TRIP11: variants seen among roughly 807,000 people sequenced by gnomAD.
TRIP11 encodes the protein thyroid receptor-interacting protein 11.
A neutral mutation model predicts 223.1 loss-of-function variants in TRIP11; 148 were observed. The ratio of observed to expected loss-of-function variants is 0.66; its 90% confidence interval spans 0.58 to 0.76. The LOEUF (loss-of-function observed/expected upper bound fraction) is 0.76. Ranked by LOEUF, TRIP11 falls within the 30% of genes least tolerant of loss-of-function variation. The pLI is 0.00. For synonymous variants in TRIP11, 762 were observed against 772.6 expected (o/e 0.99, Z 0.23); for missense variants, 2,043 against 2,222.0 (o/e 0.92, Z 1.62).
intron 16 of TRIP11, among the ~76,000 whole-genome samples, chr14:91,982,519 T>C (rs2056557617): frequency 6.6e-6 from 1 of 152,194 alleles, no homozygotes; most frequent in Non-Finnish European, 1.5e-5. Context: ...CTATGCTCAC[T>C]ACCTGAGTGA....
At chr14:92,026,182 T>C (rs1254531376) in intron 2 of TRIP11, among the ~76,000 whole-genome samples, 1 of 152,204 alleles carries the variant, frequency 6.6e-6, no homozygotes, top group Non-Finnish European at 1.5e-5. Flanking sequence ...TTGCTTGTCT[T>C]TCAGGGTCCC....
chr14:91,971,960 AATTAGTAAACAT>A (rs1292383762), intron 20 of TRIP11, among the ~76,000 whole-genome samples: 62 of 152,240 alleles, frequency 4.1e-4, no homozygotes, highest in African/African-American at 1.4e-3. Context: ...TTTACAGTCC[AATTAGTAAACAT>A]ATTAGTCTAT....
At chr14:92,028,376 A>T (rs1469067484) in intron 2 of TRIP11, among the ~76,000 whole-genome samples, 1 of 152,050 alleles carries the variant, frequency 6.6e-6, no homozygotes. Flanking sequence ...CCTGGGCAAC[A>T]TAAGGAACAA....
intron 11 of TRIP11, among the ~76,000 whole-genome samples, chr14:92,000,864 C>CT (rs528664948): frequency 0.11 from 15,143 of 141,586 alleles, 872 homozygotes; most frequent in Admixed American, 0.15. Flanking sequence ...CTTTTTTTTT[C>CT]TTTTTTTTTT....
intron 10 of TRIP11, 53 bp from the exon 11 acceptor site, chr14:92,006,501 CAAAGAA>C (rs1235129667): frequency 6.3e-7 from 1 of 1,579,770 alleles, no homozygotes; most frequent in African/African-American, 1.4e-5. Context: ...TTTTAGTACT[CAAAGAA>C]AATTTTATAA....
intron 4 of TRIP11, among the ~76,000 whole-genome samples, chr14:92,019,843 T>TA (rs987533042): frequency 2.6e-5 from 4 of 152,224 alleles, no homozygotes; most frequent in Admixed American, 2.6e-4. Context: ...TATATAATAT[T>TA]ACTTAAAATA....
rs1566859191 is a variant in TRIP11, at chr14:92,004,568, C to T, written c.3408G>A (p.Leu1136=). ...TGGACAATTTTTTATTTTCATCTTG[C>T]AGTTTGATAAGAGCTGCTTCCTTGG... ...VAAKEAALIK[L]QDENKKLSTR... The change falls in exon 11 of 21, where the codon CTG becomes CTA. Residue 1136 remains leucine, a synonymous_variant. Transcript: ENST00000267622. 6.2e-7 allele frequency: 1 copy of T among 1,613,722 alleles called. No homozygotes were observed. Among genetic ancestry groups the T allele is most frequent in the Non-Finnish European group, 8.5e-7 (1 of 1,179,902 alleles).
rs1185207802 is a variant in TRIP11 at position 92,017,671 on chromosome 14, A to C, written c.657+11T>G. The C allele has an allele frequency of 1.9e-6, 3 of 1,602,520 alleles. No homozygotes were observed. The African/African-American group carries it at 4.0e-5, about 21-fold the overall frequency. Reference sequence around the variant, plus strand: ...GTATAACTCCCATCATCAATCAACAATTTGACTTACCTTAATGATATTTTG... The same window carrying C: ...GTATAACTCCCATCATCAATCAACACTTTGACTTACCTTAATGATATTTTG... On this transcript the variant is annotated intron_variant, in intron 5 of 20. Transcript: ENST00000267622.
intron 10 of TRIP11, 79 bp downstream of exon 10, chr14:92,007,561 A>T: frequency 6.8e-7 from 1 of 1,475,912 alleles, no homozygotes; most frequent in Non-Finnish European, 9.4e-7. Flanking sequence ...CTAAAATATT[A>T]ATTAAATCAC....
At chr14:91,980,948 A>G (rs1043805402) in intron 16 of TRIP11, among the ~76,000 whole-genome samples, 1 of 147,904 alleles carries the variant, frequency 6.8e-6, no homozygotes, top group Non-Finnish European at 1.5e-5. Flanking sequence ...CAGAATTTCA[A>G]GTTATACAAG....
chr14:92,011,384 G>C (rs112401053), intron 8 of TRIP11, among the ~76,000 whole-genome samples: 1 of 150,882 alleles, frequency 6.6e-6, no homozygotes, highest in Non-Finnish European at 1.5e-5. Flanking sequence ...CCAGCTACTC[G>C]GGAGGCTGAG....
chr14:91,974,570 ATG>A (rs2056439771), intron 19 of TRIP11, 55 bp downstream of exon 19: 3 of 1,299,856 alleles, frequency 2.3e-6, no homozygotes, highest in Non-Finnish European at 3.3e-6. Context: ...TTGCAAATGA[ATG>A]TAATATACAG....
chr14:91,993,710 C>G, intron 15 of TRIP11, 99 bp downstream of exon 15: 1 of 992,688 alleles, frequency 1.0e-6, no homozygotes, highest in Non-Finnish European at 1.5e-6. Flanking sequence ...AGAAAATTTA[C>G]TAAATGAACA....
intron 2 of TRIP11, among the ~76,000 whole-genome samples, chr14:92,030,379 CTTTT>C (rs1249836634): frequency 5.3e-5 from 8 of 152,006 alleles, no homozygotes; most frequent in Admixed American, 2.0e-4. Context: ...TGACAGTATT[CTTTT>C]TTTATTTTTA....
Position 92,039,828 on chromosome 14 carries a change from C to G in TRIP11, c.-143G>C, listed in dbSNP as rs2057365474. On this transcript the variant is annotated 5_prime_UTR_variant, in exon 1 of 21. Transcript: ENST00000267622. Reference sequence around the variant, plus strand: ...ACAAAGCTGGGTTCTCAGGCAAGGCCGACTCCAGGTTCTGCCTAGAAACGC... The same window carrying G: ...ACAAAGCTGGGTTCTCAGGCAAGGCGGACTCCAGGTTCTGCCTAGAAACGC... 1 of 1,524,764 alleles carries G rather than the reference C, an allele frequency of 6.6e-7. No individual in the cohort carries two copies. Among genetic ancestry groups the G allele is most frequent in the Admixed American group, 2.0e-5 (1 of 50,160 alleles). The allele number at this position is 1,524,764 out of a possible 1,614,324, so 94.5% of individuals were successfully genotyped here.
chr14:91,976,468 C>T (rs1205103208), intron 16 of TRIP11, among the ~76,000 whole-genome samples: 1 of 152,172 alleles, frequency 6.6e-6, no homozygotes, highest in African/African-American at 2.4e-5. Context: ...CGTTTTCATC[C>T]TCTTTAAAAA....
intron 14 of TRIP11, among the ~76,000 whole-genome samples, chr14:91,994,368 C>G (rs980100375): frequency 1.1e-4 from 17 of 151,132 alleles, no homozygotes; most frequent in African/African-American, 3.9e-4. Context: ...GGGTTCAAGC[C>G]GAGTAGCTGG....
Position 91,973,920 on chromosome 14 carries a change from C to T in TRIP11, c.5574+707G>A, listed in dbSNP as rs576480290. Among the ~76,000 whole-genome samples, 11 of 152,216 alleles carry T rather than the reference C, an allele frequency of 7.2e-5. No individual in the cohort carries two copies. The South Asian group carries it at 8.3e-4, about 11-fold the overall frequency. On this transcript the variant is annotated intron_variant, in intron 19 of 20. Coordinates refer to ENST00000267622, the MANE Select transcript of TRIP11 (RefSeq NM_004239.4). ...GTGGGCGCCTGTTATCCCAGCTACT[C>T]GGGAGACTGAGGCAGGAGAACTGCC...
chr14:92,018,425 TAG>T (rs2057064308), intron 4 of TRIP11, among the ~76,000 whole-genome samples: 2 of 152,162 alleles, frequency 1.3e-5, no homozygotes. Context: ...CTCTACCCAA[TAG>T]AGAATAATCT....
Sources: allele counts gnomAD v4.1 joint callset (sites outside exome capture counted in the v4.1 genomes callset), GRCh38; gene constraint gnomAD v4.1.1; transcripts MANE v1.5; gene names NCBI Gene and HGNC (gene_info 2026-07-23, HGNC 2026-07-21).